JAK1: variants seen among roughly 807,000 people sequenced by gnomAD.
The protein encoded by JAK1 is tyrosine-protein kinase JAK1.
A neutral mutation model predicts 136.6 loss-of-function variants in JAK1; 16 were observed. The ratio of observed to expected loss-of-function variants is 0.12; its 90% CI spans 0.08 to 0.18. JAK1 has a LOEUF of 0.18. JAK1 is among the 10% of genes least tolerant of loss of function. The probability of loss-of-function intolerance (pLI) is 1.00; values close to 1 mark genes in which losing one functional copy is unlikely to be tolerated. For missense variants in JAK1, 859 were observed against 1,450.1 expected, an observed-to-expected ratio of 0.59 and a Z score of 6.62; for synonymous variants, 492 against 519.5, an observed-to-expected ratio of 0.95 and a Z score of 0.72.
intron 2 of JAK1, 91 bp downstream of exon 2, chr1:64,886,168 A>G: frequency 1.3e-6 from 1 of 789,098 alleles, no homozygotes; most frequent in South Asian, 1.6e-5. Context: ...AGGCAATAGC[A>G]CCAATAGCCC....
intron 2 of JAK1, among the ~76,000 whole-genome samples, chr1:65,021,796 T>C (rs185465108): frequency 1.3e-5 from 2 of 152,306 alleles, no homozygotes; most frequent in Admixed American, 6.5e-5. Context: ...CCATGTCTAT[T>C]ATACTTCCCA....
chr1:64,913,687 GGAAGGAAGGAAGGAAAGA>G (rs1557686648), intron 1 of JAK1, among the ~76,000 whole-genome samples: 8 of 33,092 alleles, frequency 2.4e-4, no homozygotes, highest in African/African-American at 6.3e-4. Flanking sequence ...AAGGAAGGAA[GGAAGGAAGGAAGGAAAGA>G]AGGGAGGGAG....
At chr1:64,927,340 A>T (rs1177712502) in intron 1 of JAK1, among the ~76,000 whole-genome samples, 3 of 152,222 alleles carry the variant, frequency 2.0e-5, no homozygotes, top group Non-Finnish European at 4.4e-5. Context: ...CATCCTCACT[A>T]GAGATGAGGG....
chr1:64,878,220 T>C (rs1644705061), intron 4 of JAK1, among the ~76,000 whole-genome samples: 1 of 152,232 alleles, frequency 6.6e-6, no homozygotes, highest in African/African-American at 2.4e-5. Context: ...ACACATTAAC[T>C]TCTGCTTAGC....
intron 1 of JAK1, among the ~76,000 whole-genome samples, chr1:65,046,502 C>T (rs999838689): frequency 6.6e-6 from 1 of 152,060 alleles, no homozygotes; most frequent in African/African-American, 2.4e-5. Context: ...CTCAGACCAA[C>T]GTTTGGAAGT....
chr1:64,844,164 T>C lies in JAK1; in HGVS notation c.2303A>G (p.Lys768Arg), dbSNP rs1384989338. Residue 768 changes from lysine (K) to arginine (R), a missense_variant, in exon 17 of 25, where the codon AAG (lysine) becomes AGG (arginine). Physicochemically the swap from Lys to Arg is conservative, Grantham distance 26. This residue lies in a region of JAK1 where 409 missense variants were observed against 753.8 expected (regional missense o/e 0.54). Transcript: ENST00000342505. The surrounding 1 kb of genome is among the most constrained non-coding windows in gnomAD (Gnocchi z 5.7). ...WIAPECVEDS[K>R]NLSVAADKWS... is the part of the protein sequence containing the mutation. ...CTTGTCAGCAGCCACACTCAGGTTC[T>C]TGGAGTCCTCAACACACTCAGGAGC... 1.9e-6 allele frequency: 3 copies of C among 1,614,236 alleles called. No individual in the cohort carries two copies. The highest frequency in any genetic ancestry group is 2.2e-5 in the East Asian group (1 of 44,882).
At chr1:65,064,498 A>G (rs1214890810) in intron 1 of JAK1, among the ~76,000 whole-genome samples, 1 of 152,224 alleles carries the variant, frequency 6.6e-6, no homozygotes, top group African/African-American at 2.4e-5. Context: ...ATTATCGTTT[A>G]TTAGGTAGCC....
intron 1 of JAK1, among the ~76,000 whole-genome samples, chr1:64,962,042 T>G (rs192666377): frequency 6.6e-6 from 1 of 152,216 alleles, no homozygotes; most frequent in Non-Finnish European, 1.5e-5. Flanking sequence ...AGGAGTGCCA[T>G]GAAGGGTTCT....
At chr1:64,858,736 C>T (rs310226) in intron 9 of JAK1, among the ~76,000 whole-genome samples, 1,581 of 152,206 alleles carry the variant, frequency 0.01, 31 homozygotes, top group African/African-American at 0.036. Context: ...AGACCAGGAA[C>T]AAATGTTATG....
At position 64,835,383 on chromosome 1, in the gene JAK1, G is replaced by A. The variant is rs370492297; in HGVS notation, c.3369+13C>T. ...AAATGGAGTGTTATTACTGTGACGT[G>A]GCCCATAGATACCTCATCTGGACAG... On this transcript the variant is annotated intron_variant, in intron 24 of 24. Coordinates refer to ENST00000342505, the MANE Select transcript of JAK1 (RefSeq NM_002227.4). 1.6e-5 allele frequency: 22 copies of A among 1,386,634 alleles called. No homozygotes were observed. The highest frequency in any genetic ancestry group is 2.2e-5 in the Non-Finnish European group (22 of 993,858). 85.9% of individuals were successfully genotyped at this position (1,386,634 alleles called of 1,614,324 possible).
At chr1:65,026,655 A>T (rs1258674450) in intron 2 of JAK1, among the ~76,000 whole-genome samples, 1 of 152,168 alleles carries the variant, frequency 6.6e-6, no homozygotes, top group Non-Finnish European at 1.5e-5. Flanking sequence ...TGCTTTTGAA[A>T]TTGTTTGCAT....
chr1:65,058,617 A>G, intron 1 of JAK1: 1 of 441,150 alleles, frequency 2.3e-6, no homozygotes, highest in South Asian at 1.7e-5. Context: ...CTGGTTGGAG[A>G]CGTGAGGAGG....
upstream of JAK1, among the ~76,000 whole-genome samples, chr1:64,971,519 C>T (rs539483164): frequency 1.2e-3 from 177 of 151,838 alleles, no homozygotes; most frequent in Admixed American, 2.4e-3. Context: ...CTGCTTTTTG[C>T]AGAGACGCGG....
At chr1:64,898,024 T>A (rs1044509127) in intron 1 of JAK1, among the ~76,000 whole-genome samples, 8 of 152,182 alleles carry the variant, frequency 5.3e-5, no homozygotes, top group Non-Finnish European at 1.2e-4. Context: ...ATTTGAATAT[T>A]CATTTGAGGG....
chr1:64,896,029 C>T (rs1490980806), intron 1 of JAK1, among the ~76,000 whole-genome samples: 1 of 152,202 alleles, frequency 6.6e-6, no homozygotes, highest in Admixed American at 6.5e-5. Flanking sequence ...CTATCCAAGT[C>T]TTGGAGATTT....
At chr1:65,063,549 A>C (rs1222415229) in intron 1 of JAK1, among the ~76,000 whole-genome samples, 1 of 152,228 alleles carries the variant, frequency 6.6e-6, no homozygotes, top group Non-Finnish European at 1.5e-5. Context: ...CATGCCTGTA[A>C]TCCCAGCAGT....
chr1:64,965,347 G>T (rs992758235), intron 1 of JAK1, among the ~76,000 whole-genome samples: 14 of 152,150 alleles, frequency 9.2e-5, no homozygotes, highest in Admixed American at 6.5e-4. Context: ...CACGTAGTAA[G>T]AAGAGTGGCA....
intron 1 of JAK1, among the ~76,000 whole-genome samples, chr1:64,910,823 G>C (rs1451266323): frequency 7.9e-6 from 1 of 127,172 alleles, no homozygotes; most frequent in Non-Finnish European, 1.6e-5. Context: ...CAGCCTGGAT[G>C]ACAAAGCAAG....
intron 1 of JAK1, among the ~76,000 whole-genome samples, chr1:64,888,020 A>T (rs1644878322): frequency 6.6e-6 from 1 of 152,158 alleles, no homozygotes; most frequent in Non-Finnish European, 1.5e-5. Context: ...GTGAAAACTG[A>T]CCAGAGGGGA....
Sources: allele counts gnomAD v4.1 joint callset (sites outside exome capture counted in the v4.1 genomes callset), GRCh38; gene constraint gnomAD v4.1.1; regional missense constraint gnomAD v4.1.1; non-coding constraint Gnocchi (gnomAD v3.1); transcripts MANE v1.5; gene names NCBI Gene and HGNC (gene_info 2026-07-23, HGNC 2026-07-21).